DNAI4: variants seen among roughly 807,000 people sequenced by gnomAD.
DNAI4 encodes the protein dynein axonemal intermediate chain 4, also known as WD repeat domain 78.
A neutral mutation model predicts 105.8 loss-of-function variants in DNAI4; 85 were observed. The ratio of observed to expected loss-of-function variants is 0.80; its 90% CI spans 0.67 to 0.96. The LOEUF (loss-of-function observed/expected upper bound fraction) is 0.96. Among genes scored for constraint, DNAI4 ranks in the 40% least tolerant of loss-of-function variants. The pLI is 0.00. For missense variants in DNAI4, 1,014 were observed against 1,005.6 expected, an observed-to-expected ratio of 1.01 and a Z score of -0.11; for synonymous variants, 352 against 331.5, an observed-to-expected ratio of 1.06 and a Z score of -0.67.
intron 15 of DNAI4, among the ~76,000 whole-genome samples, 169 bp downstream of exon 15, chr1:66,826,651 T>C (rs545159618): frequency 6.6e-6 from 1 of 152,292 alleles, no homozygotes; most frequent in African/African-American, 2.4e-5. Flanking sequence ...GTATAAATAA[T>C]TGACATTAAT....
chr1:66,835,598 T>G, intron 11 of DNAI4, 28 bp downstream of exon 11: 1 of 1,606,344 alleles, frequency 6.2e-7, no homozygotes, highest in Non-Finnish European at 8.5e-7. Flanking sequence ...GCATGTATTA[T>G]ACATTTATCT....
At chr1:66,919,524 TGA>T (rs1438696568) in intron 1 of DNAI4, among the ~76,000 whole-genome samples, 4 of 152,108 alleles carry the variant, frequency 2.6e-5, no homozygotes, top group Non-Finnish European at 5.9e-5. Flanking sequence ...TAGACTAGCT[TGA>T]GAGAGAAAAT....
At chr1:66,869,119 A>ATG (rs151165054) in intron 6 of DNAI4, among the ~76,000 whole-genome samples, 6,555 of 148,800 alleles carry the variant, frequency 0.044, 471 homozygotes, top group African/African-American at 0.15. Context: ...AGATATGAAT[A>ATG]TATATATATA....
intron 10 of DNAI4, 117 bp from the exon 11 acceptor site, chr1:66,835,894 A>G: frequency 1.2e-6 from 1 of 803,846 alleles, no homozygotes; most frequent in East Asian, 2.5e-5. Context: ...GTTAGCCCAC[A>G]TTCAGTTACT....
intron 7 of DNAI4, among the ~76,000 whole-genome samples, chr1:66,859,459 A>AT (rs1274528593): frequency 6.6e-6 from 1 of 152,204 alleles, no homozygotes; most frequent in Non-Finnish European, 1.5e-5. Flanking sequence ...ATTGACTCAG[A>AT]TGAGTTGAAA....
At chr1:66,915,848 C>T (rs923374978) in intron 1 of DNAI4, among the ~76,000 whole-genome samples, 1 of 151,984 alleles carries the variant, frequency 6.6e-6, no homozygotes, top group Non-Finnish European at 1.5e-5. Context: ...TTTGGTCAAG[C>T]ACAGTGGCTC....
chr1:66,865,810 T>C (rs1463611173), intron 6 of DNAI4, among the ~76,000 whole-genome samples: 2 of 152,146 alleles, frequency 1.3e-5, no homozygotes, highest in South Asian at 2.1e-4. Flanking sequence ...GTCACTTCTC[T>C]TTTCCTGGGA....
intron 1 of DNAI4, among the ~76,000 whole-genome samples, chr1:66,911,843 AT>A (rs1042016247): frequency 6.6e-6 from 1 of 151,942 alleles, no homozygotes; most frequent in Non-Finnish European, 1.5e-5. Flanking sequence ...ATAGATGCAT[AT>A]TTTTTTCTTT....
chr1:66,873,337 G>C (rs1646890253), intron 5 of DNAI4, among the ~76,000 whole-genome samples: 2 of 149,814 alleles, frequency 1.3e-5, no homozygotes, highest in Admixed American at 1.3e-4. Flanking sequence ...AACTTCCCGT[G>C]ATCAATCAAG....
chr1:66,891,066 T>G, intron 4 of DNAI4, 88 bp downstream of exon 4: 2 of 1,030,282 alleles, frequency 1.9e-6, no homozygotes, highest in Non-Finnish European at 3.1e-6. Flanking sequence ...CATTACCATA[T>G]TTCTTTTATC....
At chr1:66,858,275 A>G (rs1384208433) in intron 7 of DNAI4, among the ~76,000 whole-genome samples, 1 of 151,744 alleles carries the variant, frequency 6.6e-6, no homozygotes, top group Non-Finnish European at 1.5e-5. Flanking sequence ...CACGCCTGTA[A>G]TCCCAGCACT....
At chr1:66,826,352 A>G (rs1052051928) in intron 15 of DNAI4, among the ~76,000 whole-genome samples, 1 of 151,732 alleles carries the variant, frequency 6.6e-6, no homozygotes, top group Non-Finnish European at 1.5e-5. Context: ...AGGTTGGAGT[A>G]CACTGGCGCA....
intron 8 of DNAI4, among the ~76,000 whole-genome samples, chr1:66,841,553 TG>T (rs1646148535): frequency 6.6e-6 from 1 of 152,078 alleles, no homozygotes; most frequent in Admixed American, 6.6e-5. Context: ...TTTTTAGAGA[TG>T]GGGGCGGGGG....
At chr1:66,836,561 T>G (rs1386237399) in intron 10 of DNAI4, among the ~76,000 whole-genome samples, 2 of 152,202 alleles carry the variant, frequency 1.3e-5, no homozygotes, top group Non-Finnish European at 2.9e-5. Context: ...CAAGTTACTG[T>G]GTTCTACAAC....
rs540074666 is a variant in DNAI4, at chr1:66,898,810, C to G, written c.346-5397G>C. ...CTCCGCTCCCAGCCCTACGCCACCA[C>G]TAGTATCTTCATGTCTCTATAGACT... On this transcript the variant is annotated intron_variant, in intron 2 of 16. Transcript: ENST00000371026. 6.6e-5 allele frequency among the ~76,000 whole-genome samples: 10 copies of G among 152,314 alleles called. No individual in the cohort carries two copies. In the South Asian group the frequency reaches 1.9e-3, roughly 28 times the overall value.
chr1:66,895,771 C>G (rs1648276982), intron 2 of DNAI4, among the ~76,000 whole-genome samples: 1 of 152,158 alleles, frequency 6.6e-6, no homozygotes, highest in Non-Finnish European at 1.5e-5. Flanking sequence ...TAAATGTTAA[C>G]AGATACTTTC....
intron 7 of DNAI4, among the ~76,000 whole-genome samples, chr1:66,851,195 G>T (rs942271704): frequency 4.0e-5 from 6 of 151,596 alleles, no homozygotes; most frequent in Non-Finnish European, 7.4e-5. Flanking sequence ...AGCAGGAGGG[G>T]CTATATCAAT....
chr1:66,836,254 G>GAGAAAGAAAGAA (rs68091805), intron 10 of DNAI4, among the ~76,000 whole-genome samples: 2 of 99,062 alleles, frequency 2.0e-5, no homozygotes, highest in East Asian at 2.8e-4. Context: ...AAGAGAGAGA[G>GAGAAAGAAAGAA]AGAAAGAAAG....
At chr1:66,832,021 A>G (rs919167199) in intron 13 of DNAI4, among the ~76,000 whole-genome samples, 2 of 152,128 alleles carry the variant, frequency 1.3e-5, no homozygotes, top group African/African-American at 2.4e-5. Flanking sequence ...CATCTCTGGC[A>G]TCTTCCCAGA....
Sources: allele counts gnomAD v4.1 joint callset (sites outside exome capture counted in the v4.1 genomes callset), GRCh38; gene constraint gnomAD v4.1.1; transcripts MANE v1.5; gene names NCBI Gene and HGNC (gene_info 2026-07-23, HGNC 2026-07-21).